KIF1B: variants seen among roughly 807,000 people sequenced by gnomAD.
KIF1B encodes kinesin family member 1B.
In KIF1B, 76 loss-of-function variants were observed where a neutral mutation model predicts 241.9. That is an observed-to-expected ratio of 0.31 (90% CI 0.26 to 0.38). The LOEUF is 0.38. KIF1B is among the 10% of genes least tolerant of loss of function. The pLI is 1.00. For synonymous variants in KIF1B, 750 were observed against 796.7 expected, an observed-to-expected ratio of 0.94 and a Z score of 0.99; for missense variants, 1,622 against 2,271.4, an observed-to-expected ratio of 0.71 and a Z score of 5.81.
intron 19 of KIF1B, 40 bp from the exon 20 acceptor site, chr1:10,296,542 G>A: frequency 6.7e-7 from 1 of 1,498,822 alleles, no homozygotes; most frequent in Non-Finnish European, 9.3e-7. Context: ...GATTCCAATA[G>A]TTTGTAATGA....
chr1:10,329,421 A>G lies in KIF1B; in HGVS notation c.2924+3062A>G, dbSNP rs1032231368. Among the ~76,000 whole-genome samples, 5 of 152,328 alleles carry G rather than the reference A, an allele frequency of 3.3e-5. No homozygotes were observed. In the East Asian group the frequency reaches 9.6e-4, roughly 29 times the overall value. ...TTTCTCCTATTGGCATATAATTGCCAATATAAATCACTTGTAAAATTTTTA... is the reference window on the plus strand; with the variant it reads ...TTTCTCCTATTGGCATATAATTGCCGATATAAATCACTTGTAAAATTTTTA... On this transcript the variant is annotated intron_variant, in intron 27 of 48. Coordinates refer to ENST00000676179, the MANE Select transcript of KIF1B (RefSeq NM_001365951.3).
chr1:10,252,980 C>T (rs564300847), intron 2 of KIF1B, among the ~76,000 whole-genome samples: 3 of 152,148 alleles, frequency 2.0e-5, no homozygotes, highest in Non-Finnish European at 4.4e-5. Context: ...CCACCTCAGC[C>T]TCCCAAAGTA....
intron 17 of KIF1B, 69 bp downstream of exon 17, chr1:10,292,191 T>A (rs1458868679): frequency 8.6e-7 from 1 of 1,162,206 alleles, no homozygotes. Context: ...ACTGGGGCAC[T>A]TCATGTCTTT....
Position 10,256,301 on chromosome 1 carries a change from A to G in KIF1B, c.161A>G (p.Tyr54Cys), listed in dbSNP as rs762856679. The G allele has an allele frequency of 2.1e-5, 34 of 1,611,434 alleles. No homozygotes were observed. The highest frequency in any genetic ancestry group is 2.5e-5 in the Non-Finnish European group (30 of 1,177,500). Residue 54 changes from tyrosine (Y) to cysteine (C), a missense_variant, in exon 3 of 49, where the codon TAT (tyrosine) becomes TGT (cysteine). Physicochemically the swap from Tyr to Cys is radical, Grantham distance 194. Around this residue, in one of 7 missense-constraint regions of KIF1B, gnomAD observed 156 missense variants for 244.8 expected, o/e 0.64. Coordinates refer to ENST00000676179, the MANE Select transcript of KIF1B (RefSeq NM_001365951.3). ...GCTCCAAAGTCCTTCAGCTTCGACTATTCCTACTGGTCTCATACCTCAGTG... is the reference window on the plus strand; with the variant it reads ...GCTCCAAAGTCCTTCAGCTTCGACTGTTCCTACTGGTCTCATACCTCAGTG... ...KEAPKSFSFD[Y>C]SYWSHTSPED...
chr1:10,276,361 C>T lies in KIF1B; in HGVS notation c.999C>T (p.Pro333=), dbSNP rs141637645. The change falls in exon 12 of 49, where the codon CCC becomes CCT. Residue 333 remains proline, a synonymous_variant. Coordinates refer to ENST00000676179, the MANE Select transcript of KIF1B (RefSeq NM_001365951.3). ...CTGCAATGGTTGCTGCTCTGAGCCC[C>T]GCGGATATCAACTACGATGAGACTT... The part of the protein sequence containing the change: ...SRTAMVAALS[P]ADINYDETLS... 35 of 1,613,832 alleles carry T rather than the reference C, an allele frequency of 2.2e-5. No homozygotes were observed. The highest frequency in any genetic ancestry group is 1.6e-4 in the Middle Eastern group (1 of 6,062).
intron 38 of KIF1B, among the ~76,000 whole-genome samples, chr1:10,358,683 C>CAA (rs767246662): frequency 1.4e-3 from 109 of 79,246 alleles, no homozygotes; most frequent in Admixed American, 2.2e-3. Context: ...GACTCTGTCT[C>CAA]AAAAAAAAAA....
rs1402945248 is a variant in KIF1B, at chr1:10,252,214, A to G, written c.107-4033A>G. ...GCCACCATGCCTCGCTAACTTTTGT[A>G]TTTTTTGTAGAGACGGGGTTTCACC... On this transcript the variant is annotated intron_variant, in intron 2 of 48. Transcript: ENST00000676179. Among the ~76,000 whole-genome samples, 3 of 151,620 alleles carry G rather than the reference A, an allele frequency of 2.0e-5. No individual in the cohort carries two copies. The East Asian group carries it at 5.8e-4, about 29-fold the overall frequency.
At position 10,337,802 on chromosome 1, in the gene KIF1B, G is replaced by T. The variant is rs1363405167; in HGVS notation, c.3422+269G>T. Among the ~76,000 whole-genome samples the T allele has an allele frequency of 6.6e-6, 1 of 152,194 alleles. No homozygotes were observed. Among genetic ancestry groups the T allele is most frequent in the Non-Finnish European group, 1.5e-5 (1 of 68,046 alleles). On this transcript the variant is annotated intron_variant, in intron 31 of 48. Coordinates refer to ENST00000676179, the MANE Select transcript of KIF1B (RefSeq NM_001365951.3). The surrounding 1 kb of genome is among the most constrained non-coding windows in gnomAD (Gnocchi z 4.0). Reference sequence around the variant, plus strand: ...GCGGTCCCCCTTTACCAGGAATGTAGGGTCTGATCACATAAGCCTGTTGAT... The same window carrying T: ...GCGGTCCCCCTTTACCAGGAATGTATGGTCTGATCACATAAGCCTGTTGAT...
intron 17 of KIF1B, chr1:10,292,422 G>T (rs759550955): frequency 1.5e-5 from 5 of 338,494 alleles, no homozygotes; most frequent in Non-Finnish European, 2.2e-5. Context: ...TAAATTCCCA[G>T]CCTAACCTAG....
At chr1:10,224,104 C>T (rs1646880501) in intron 1 of KIF1B, among the ~76,000 whole-genome samples, 1 of 151,948 alleles carries the variant, frequency 6.6e-6, no homozygotes, top group South Asian at 2.1e-4. Context: ...GAGTGTACAG[C>T]CCTGACCGTG....
chr1:10,331,515 A>G (rs1651920666), intron 27 of KIF1B, among the ~76,000 whole-genome samples: 1 of 151,984 alleles, frequency 6.6e-6, no homozygotes, highest in South Asian at 2.1e-4. Flanking sequence ...TATATGTTTC[A>G]TTTGTATTTC....
intron 22 of KIF1B, chr1:10,306,152 A>C: frequency 4.8e-6 from 5 of 1,039,812 alleles, no homozygotes; most frequent in Non-Finnish European, 4.6e-6. Flanking sequence ...GCTTCCAATT[A>C]ATGTTTTTTT....
chr1:10,268,050 C>G (rs753212019), intron 6 of KIF1B, 102 bp from the exon 7 acceptor site: 1 of 784,554 alleles, frequency 1.3e-6, no homozygotes, highest in Non-Finnish European at 2.2e-6. Context: ...AAGTTTAAGA[C>G]TATTGCTTGT....
chr1:10,277,960 A>G (rs768199167), intron 12 of KIF1B, 26 bp from the exon 13 acceptor site: 11 of 1,608,952 alleles, frequency 6.8e-6, no homozygotes, highest in Non-Finnish European at 8.5e-6. Flanking sequence ...AGAAATGACA[A>G]GAACAAATTT....
rs1303549326 is a variant in KIF1B at position 10,360,797 on chromosome 1, A to C, written c.4056-132A>C. The C allele has an allele frequency of 9.6e-6, 7 of 728,930 alleles. No individual in the cohort carries two copies. The African/African-American group carries it at 1.2e-4, about 13-fold the overall frequency. The allele number at this position is 728,930 out of a possible 1,614,324, so 45.2% of individuals were successfully genotyped here. On this transcript the variant is annotated intron_variant, in intron 38 of 48. Transcript: ENST00000676179. ...TAGGAGATAAGGGTTCCTCTCTGTT[A>C]TTAGAGTTTGATAAACTGAAAGTGT...
intron 2 of KIF1B, among the ~76,000 whole-genome samples, chr1:10,233,710 C>CTTTTTTTTTTTTTTTTTTTTT (rs61200537): frequency 1.4e-5 from 2 of 142,644 alleles, no homozygotes; most frequent in Non-Finnish European, 1.5e-5. Flanking sequence ...CTCAATAAAG[C>CTTTTTTTTTTTTTTTTTTTTT]TTTTTTTTTT....
At chr1:10,332,346 G>A (rs1002392655) in intron 27 of KIF1B, among the ~76,000 whole-genome samples, 37 of 151,110 alleles carry the variant, frequency 2.4e-4, no homozygotes, top group African/African-American at 8.3e-4. Context: ...GATTACAGAC[G>A]TGAGCCACCA....
At chr1:10,361,128 TC>T in intron 39 of KIF1B, 85 bp downstream of exon 39, 1 of 883,594 alleles carries the variant, frequency 1.1e-6, no homozygotes. Flanking sequence ...CAGCGAAGAT[TC>T]CACTTGTTTT....
chr1:10,307,150 T>C (rs1326445233), intron 22 of KIF1B: 3 of 1,030,012 alleles, frequency 2.9e-6, no homozygotes, highest in South Asian at 4.6e-5. Context: ...CAAGGTTTTA[T>C]TGACTGCCAT....
Sources: gnomAD v4.1 joint callset for allele counts (sites outside exome capture counted in the v4.1 genomes callset) on GRCh38, gnomAD v4.1.1 for gene constraint, gnomAD v4.1.1 regional missense constraint, Gnocchi (gnomAD v3.1) non-coding constraint, MANE v1.5 for transcripts, NCBI Gene and HGNC (gene_info 2026-07-23, HGNC 2026-07-21) for gene names.